CACNA1F: variants seen among roughly 807,000 people sequenced by gnomAD.
CACNA1F encodes voltage-dependent L-type calcium channel subunit alpha-1F.
A neutral mutation model predicts 143.8 loss-of-function variants in CACNA1F; 59 were observed. The ratio of observed to expected loss-of-function variants is 0.41; its 90% CI spans 0.33 to 0.51. CACNA1F has a LOEUF of 0.51. Among genes scored for constraint, CACNA1F ranks in the 20% least tolerant of loss-of-function variants. The pLI, the probability that CACNA1F is intolerant of heterozygous loss-of-function variation, is 0.22. For synonymous variants in CACNA1F, 643 were observed against 649.1 expected (o/e 0.99, Z 0.14); for missense variants, 1,411 against 1,647.5 (o/e 0.86, Z 2.48).
intron 2 of CACNA1F, 123 bp downstream of exon 2, chrX:49,231,555 C>G (rs2065878587): frequency 1.1e-6 from 1 of 951,384 alleles, no homozygotes; most frequent in Non-Finnish European, 1.5e-6. Flanking sequence ...GCCCCCCAAC[C>G]CAGTTCTTGA....
At chrX:49,211,547 G>T in intron 35 of CACNA1F, 66 bp from the exon 36 acceptor site, 1 of 975,622 alleles carries the variant, frequency 1.0e-6, no homozygotes, top group African/African-American at 1.9e-5. Context: ...AAATGGAGTT[G>T]GGGGAGGACT....
At position 49,206,822 on chromosome X, in the gene CACNA1F, G is replaced by C. The variant is rs1557105024; in HGVS notation, c.5265C>G (p.Pro1755=). 4 of 1,206,397 alleles carry C rather than the reference G, an allele frequency of 3.3e-6. No homozygotes were observed. The highest frequency in any genetic ancestry group is 1.1e-6 in the Non-Finnish European group (1 of 892,096). ...LSYLDEQAGT[P]PCSVLLPPHR... ...GAGGTGGCAAAAGGACTGAGCACGG[G>C]GGAGTCCCTGCCTGCTCATCTAGGT... Residue 1755 remains proline (P), a synonymous_variant, in exon 45 of 48, where the codon CCC becomes CCG. Transcript: ENST00000323022.
chrX:49,214,944 C>A, intron 29 of CACNA1F, 142 bp downstream of exon 29: 1 of 545,572 alleles, frequency 1.8e-6, no homozygotes, highest in Non-Finnish European at 3.2e-6. Flanking sequence ...AGAAATGTGG[C>A]AAATGTCTTT....
At position 49,212,809 on chromosome X, in the gene CACNA1F, T is replaced by C; in HGVS notation, c.3814-14A>G. 8.3e-7 allele frequency: 1 copy of C among 1,208,686 alleles called. No individual in the cohort carries two copies. Among genetic ancestry groups the C allele is most frequent in the Non-Finnish European group, 1.1e-6 (1 of 893,870 alleles). On this transcript the variant is annotated splice_polypyrimidine_tract_variant and intron_variant, in intron 32 of 47. Transcript: ENST00000323022. Reference sequence around the variant, plus strand: ...GTCCTCAGAGCTCTGGGGTGAGGGGTGCAGTAGGGATGCTCAGTTTGCATT... The same window carrying C: ...GTCCTCAGAGCTCTGGGGTGAGGGGCGCAGTAGGGATGCTCAGTTTGCATT...
rs1382816929 is a variant in CACNA1F at position 49,229,934 on chromosome X, AGTCTT to A, written c.817+281_817+285del. 3.6e-5 allele frequency among the ~76,000 whole-genome samples: 4 copies of A among 112,463 alleles called. No homozygotes were observed. The East Asian group carries it at 8.3e-4, about 23-fold the overall frequency. On this transcript the variant is annotated intron_variant, in intron 6 of 47. Coordinates refer to ENST00000323022, the MANE Select transcript of CACNA1F (RefSeq NM_001256789.3). ...CAAAGTGCTGGGATTACAGGCGCAG[AGTCTT>A]GTCTTAAGTGCGGGGCACTTGCACT...
Position 49,210,317 on chromosome X carries a change from C to T in CACNA1F, c.4572G>A (p.Leu1524=), listed in dbSNP as rs782714934. 1.7e-6 allele frequency: 2 copies of T among 1,202,852 alleles called. No individual in the cohort carries two copies. Among genetic ancestry groups the T allele is most frequent in the East Asian group, 5.9e-5 (2 of 33,813 alleles). ...ATLFALVRTS[L]KIKTEGNLEQ... ...CCCCTACACCTTCTGTTTTGATCTT[C>T]AGGGATGTCCGGACCAGGGCAAAGA... The change falls in exon 39 of 48, where the codon CTG becomes CTA. Residue 1524 remains leucine (L), a synonymous_variant. Coordinates refer to ENST00000323022, the MANE Select transcript of CACNA1F (RefSeq NM_001256789.3).
Position 49,224,764 on chromosome X carries a change from G to C in CACNA1F, c.1874C>G (p.Thr625Ser). The C allele has an allele frequency of 8.6e-7, 1 of 1,157,990 alleles. No homozygotes were observed. Among genetic ancestry groups the C allele is most frequent in the Non-Finnish European group, 1.2e-6 (1 of 861,124 alleles). Reference sequence around the variant, plus strand: ...TTCCCCCTCCCCTAATACAAACCTGGTGACCTTAAAGATCCTGAGGAGGCG... The same window carrying C: ...TTCCCCCTCCCCTAATACAAACCTGCTGACCTTAAAGATCCTGAGGAGGCG... Reference protein sequence around the residue: ...CVRLLRIFKVTRHWASLSNLV... With the variant: ...CVRLLRIFKVSRHWASLSNLV... Residue 625 changes from threonine (T) to serine (S), a missense_variant, in exon 14 of 48, where the codon ACC becomes AGC. Physicochemically the swap from Thr to Ser is moderately conservative, Grantham distance 58. Coordinates refer to ENST00000323022, the MANE Select transcript of CACNA1F (RefSeq NM_001256789.3).
Position 49,231,359 on chromosome X carries a change from A to G in CACNA1F, c.276-52T>C, listed in dbSNP as rs1316406382. 6 of 911,817 alleles carry G rather than the reference A, an allele frequency of 6.6e-6. No homozygotes were observed. In the Admixed American group the frequency reaches 1.3e-4, roughly 20 times the overall value. 75.1% of individuals were successfully genotyped at this position (911,817 alleles called of 1,213,427 possible). On this transcript the variant is annotated intron_variant, in intron 2 of 47. Transcript: ENST00000323022. The stretch of plus-strand genomic sequence containing the variant: ...GGCAGAGTGGCATTGGAACCCCCCT[A>G]CTCCCTTGGGAACCTCCCACCCAGT...
At position 49,208,622 on chromosome X, in the gene CACNA1F, G is replaced by C. The variant is rs1343166677; in HGVS notation, c.5016C>G (p.Val1672=). The C allele has an allele frequency of 2.5e-6, 3 of 1,208,398 alleles. No homozygotes were observed. The Admixed American group carries it at 6.6e-5, about 26-fold the overall frequency. ...AGAGTGAATCTGGAAGTCTGTCCCC[G>C]ACAGGCAGAGACACAGAAATCCCGG... ...RGSGISVSLP[V]GDRLPDSLSF... Residue 1672 remains valine, a synonymous_variant, in exon 43 of 48, where the codon GTC becomes GTG. Transcript: ENST00000323022.
At chrX:49,207,488 C>T (rs1440563834) in intron 43 of CACNA1F, among the ~76,000 whole-genome samples, 5 of 111,287 alleles carry the variant, frequency 4.5e-5, no homozygotes, top group East Asian at 2.9e-4. Context: ...TGGAGTGCAG[C>T]GGCATGATCT....
At chrX:49,228,207 A>T in intron 7 of CACNA1F, 44 bp downstream of exon 7, 1 of 1,190,682 alleles carries the variant, frequency 8.4e-7, no homozygotes, top group South Asian at 1.8e-5. Flanking sequence ...CAGGGAGGAA[A>T]GGCAGGTGCA....
At chrX:49,213,731 C>T in intron 31 of CACNA1F, 88 bp downstream of exon 31, 1 of 639,758 alleles carries the variant, frequency 1.6e-6, no homozygotes, top group Non-Finnish European at 2.7e-6. Flanking sequence ...GCGTGGGAGC[C>T]ACCCACCCAC....
Position 49,205,366 on chromosome X carries a change from A to G in CACNA1F, c.5672T>C (p.Val1891Ala), listed in dbSNP as rs148326355. 9 of 1,166,427 alleles carry G rather than the reference A, an allele frequency of 7.7e-6. No individual in the cohort carries two copies. The African/African-American group carries it at 1.6e-4, about 21-fold the overall frequency. The change falls in exon 48 of 48, where the codon GTG becomes GCG. Residue 1891 changes from valine (V) to alanine (A), a missense_variant and splice_region_variant. Around this residue, in one of 3 missense-constraint regions of CACNA1F, gnomAD observed 349 missense variants for 350.2 expected, o/e 1.00. Transcript: ENST00000323022. ...GAGGCCCAGACCCTCTGAGATAAGC[A>G]CCTGGGGGCACAGGTGGGATCAGTG... is the stretch of plus-strand genomic sequence containing the variant. The part of the protein sequence containing the change: ...RGSADSLVEA[V>A]LISEGLGLFA...
At chrX:49,212,417 G>C in intron 33 of CACNA1F, 109 bp from the exon 34 acceptor site, 5 of 674,200 alleles carry the variant, frequency 7.4e-6, no homozygotes, top group Non-Finnish European at 1.2e-5. Flanking sequence ...GGGAGATGCA[G>C]TCCATCTCCA....
chrX:49,221,032 C>G lies in CACNA1F; in HGVS notation c.2334+3G>C, dbSNP rs782266755. On this transcript the variant is annotated splice_donor_region_variant and intron_variant, in intron 18 of 47. Coordinates refer to ENST00000323022, the MANE Select transcript of CACNA1F (RefSeq NM_001256789.3). Reference sequence around the variant, plus strand: ...GTAGACAGTGCCCAGGCATCTAACTCACCAGGCCTTCATTCTCCTGTGGGA... The same window carrying G: ...GTAGACAGTGCCCAGGCATCTAACTGACCAGGCCTTCATTCTCCTGTGGGA... 8.3e-7 allele frequency: 1 copy of G among 1,205,356 alleles called. No individual in the cohort carries two copies. Among genetic ancestry groups the G allele is most frequent in the Admixed American group, 2.2e-5 (1 of 46,095 alleles).
At chrX:49,219,194 C>A in intron 21 of CACNA1F, 127 bp downstream of exon 21, 2 of 728,765 alleles carry the variant, frequency 2.7e-6, no homozygotes, top group Non-Finnish European at 4.2e-6. Context: ...GCATCAGCTG[C>A]GTTAATGAGC....
At position 49,213,971 on chromosome X, in the gene CACNA1F, A is replaced by G. The variant is rs782707471; in HGVS notation, c.3709-69T>C. The G allele has an allele frequency of 2.4e-5, 19 of 776,713 alleles. No homozygotes were observed. In the East Asian group the frequency reaches 5.3e-4, roughly 22 times the overall value. 64.0% of individuals were successfully genotyped at this position (776,713 alleles called of 1,213,427 possible). ...CAAGCCAGGGTAGGGGGCCAGTAGT[A>G]GTAGGGGGCGCCGGAGGGGGGCAGG... On this transcript the variant is annotated intron_variant, in intron 30 of 47. Transcript: ENST00000323022.
chrX:49,231,649 C>G (rs1569528804), intron 2 of CACNA1F, 29 bp downstream of exon 2: 1 of 1,210,202 alleles, frequency 8.3e-7, no homozygotes, highest in Non-Finnish European at 1.1e-6. Context: ...ACCCTTACCC[C>G]TGGGCCCTGC....
chrX:49,232,417 G>A (rs911369861), intron 1 of CACNA1F, among the ~76,000 whole-genome samples: 18 of 111,592 alleles, frequency 1.6e-4, no homozygotes, highest in African/African-American at 2.6e-4. Context: ...CCATGGTCTC[G>A]TTTCAGCCTC....
Sources: gnomAD v4.1 joint callset for allele counts (sites outside exome capture counted in the v4.1 genomes callset) on GRCh38, gnomAD v4.1.1 for gene constraint, gnomAD v4.1.1 regional missense constraint, MANE v1.5 for transcripts, NCBI Gene and HGNC (gene_info 2026-07-23, HGNC 2026-07-21) for gene names.